The following MSRA variants were observed in gnomAD, a reference collection of about 807,000 sequenced individuals.
MSRA encodes mitochondrial peptide methionine sulfoxide reductase.
MSRA carries 54 observed loss-of-function variants against 31.3 expected under a neutral mutation model. The observed-to-expected ratio is 1.73, with a 90% CI of 1.39 to 2.17. The LOEUF is 2.17. MSRA is among the 30% of genes most tolerant of loss of function. MSRA has a pLI of 0.00. For synonymous variants in MSRA, 169 were observed against 116.5 expected (o/e 1.45, Z -2.90); for missense variants, 507 against 300.9 (o/e 1.69, Z -5.07).
At chr8:10,103,385 C>T (rs573222077) in intron 1 of MSRA, among the ~76,000 whole-genome samples, 31 of 152,264 alleles carry the variant, frequency 2.0e-4, no homozygotes, top group East Asian at 7.7e-4. Flanking sequence ...AGGGTTCTTA[C>T]GGGTCATCTG....
At chr8:10,071,722 T>A (rs1337879233) in intron 1 of MSRA, among the ~76,000 whole-genome samples, 2 of 152,188 alleles carry the variant, frequency 1.3e-5, no homozygotes, top group South Asian at 4.1e-4. Flanking sequence ...TGAGGTTCAT[T>A]TGTGTCAAAC....
intron 5 of MSRA, among the ~76,000 whole-genome samples, chr8:10,409,326 A>G (rs1426301875): frequency 6.6e-6 from 1 of 152,156 alleles, no homozygotes; most frequent in African/African-American, 2.4e-5. Context: ...ACTAGTGATG[A>G]TGAGCACTTT....
intron 3 of MSRA, among the ~76,000 whole-genome samples, chr8:10,275,889 G>A (rs1206377591): frequency 1.3e-5 from 2 of 152,146 alleles, no homozygotes; most frequent in Non-Finnish European, 2.9e-5. Context: ...TCTGGAACTC[G>A]TTTGTTTTTA....
intron 2 of MSRA, among the ~76,000 whole-genome samples, chr8:10,232,973 A>T (rs1471784075): frequency 1.3e-5 from 2 of 152,196 alleles, no homozygotes; most frequent in African/African-American, 4.8e-5. Flanking sequence ...CTTTATTTCT[A>T]CGGAATGTAG....
intron 5 of MSRA, among the ~76,000 whole-genome samples, chr8:10,410,111 C>A (rs1414162431): frequency 1.3e-5 from 2 of 152,210 alleles, no homozygotes; most frequent in Non-Finnish European, 2.9e-5. Flanking sequence ...AAAGATGATC[C>A]TCCGAGCCTG....
chr8:10,192,593 A>G (rs1048823810), intron 1 of MSRA, among the ~76,000 whole-genome samples: 1 of 152,260 alleles, frequency 6.6e-6, no homozygotes, highest in African/African-American at 2.4e-5. Context: ...GATGAGTAGC[A>G]CAATGTGGAG....
chr8:10,357,978 AGTG>A (rs1346950959), intron 5 of MSRA, among the ~76,000 whole-genome samples: 2 of 152,172 alleles, frequency 1.3e-5, no homozygotes, highest in African/African-American at 4.8e-5. Flanking sequence ...GCTAGAGTGC[AGTG>A]GTGCTATCTT....
At chr8:10,413,322 ACCACACTGAGACTTCAATGG>A (rs1808265614) in intron 5 of MSRA, among the ~76,000 whole-genome samples, 1 of 152,194 alleles carries the variant, frequency 6.6e-6, no homozygotes, top group Admixed American at 6.5e-5. Flanking sequence ...TAATTAGCTA[ACCACACTGAGACTTCAATGG>A]CCACACCTGA....
intron 1 of MSRA, among the ~76,000 whole-genome samples, chr8:10,076,895 C>T (rs901691455): frequency 2.0e-5 from 3 of 151,038 alleles, no homozygotes; most frequent in East Asian, 1.9e-4. Context: ...ACACTGGGGC[C>T]GGGTGTGAGG....
At chr8:10,117,623 T>C (rs1308022203) in intron 1 of MSRA, among the ~76,000 whole-genome samples, 19 of 152,258 alleles carry the variant, frequency 1.2e-4, no homozygotes, top group Admixed American at 9.8e-4. Flanking sequence ...ATAGATAGTC[T>C]GTAATTTGAT....
chr8:10,332,115 C>G (rs1172145626), intron 5 of MSRA, among the ~76,000 whole-genome samples: 2 of 152,172 alleles, frequency 1.3e-5, no homozygotes, highest in Non-Finnish European at 2.9e-5. Context: ...TCATGGTTAT[C>G]TGTTTCTTTG....
At chr8:10,283,946 G>A (rs992056612) in intron 3 of MSRA, among the ~76,000 whole-genome samples, 2 of 150,734 alleles carry the variant, frequency 1.3e-5, no homozygotes, top group Admixed American at 6.6e-5. Context: ...ATTGTGAATT[G>A]TGCTGCTATA....
At chr8:10,367,770 G>C (rs1327171394) in intron 5 of MSRA, among the ~76,000 whole-genome samples, 3 of 152,256 alleles carry the variant, frequency 2.0e-5, no homozygotes, top group African/African-American at 7.2e-5. Flanking sequence ...CTCAGCACTG[G>C]AGCTAGTCTG....
chr8:10,272,415 G>GA (rs146169292), intron 3 of MSRA, among the ~76,000 whole-genome samples: 13 of 152,124 alleles, frequency 8.5e-5, no homozygotes, highest in Non-Finnish European at 1.9e-4. Flanking sequence ...TCAAAGGCAG[G>GA]AAAAAAATCA....
intron 1 of MSRA, among the ~76,000 whole-genome samples, chr8:10,154,647 G>T (rs932921297): frequency 1.3e-5 from 2 of 152,096 alleles, no homozygotes; most frequent in Non-Finnish European, 1.5e-5. Flanking sequence ...AAAGTGCTGG[G>T]ATTACAGGCA....
chr8:10,060,462 G>C (rs1422810578), intron 1 of MSRA, among the ~76,000 whole-genome samples: 2 of 152,162 alleles, frequency 1.3e-5, no homozygotes, highest in Non-Finnish European at 2.9e-5. Flanking sequence ...GGCTGAGGAG[G>C]GGGCTGTGTA....
At chr8:10,395,080 T>C (rs1807011975) in intron 5 of MSRA, among the ~76,000 whole-genome samples, 1 of 152,158 alleles carries the variant, frequency 6.6e-6, no homozygotes, top group South Asian at 2.1e-4. Context: ...GTCACCTGTG[T>C]GTAAGCGTAG....
chr8:10,263,950 C>T (rs998181828), intron 3 of MSRA, among the ~76,000 whole-genome samples: 1 of 152,194 alleles, frequency 6.6e-6, no homozygotes, highest in African/African-American at 2.4e-5. Flanking sequence ...CTCCTATTCA[C>T]TCAAGTAAAT....
At chr8:10,408,426 C>G (rs766658771) in intron 5 of MSRA, among the ~76,000 whole-genome samples, 2 of 152,040 alleles carry the variant, frequency 1.3e-5, no homozygotes, top group Non-Finnish European at 2.9e-5. Context: ...CCTGTAGCCC[C>G]AGCTACCCAA....
Sources: gnomAD v4.1 joint callset for allele counts (sites outside exome capture counted in the v4.1 genomes callset) on GRCh38, gnomAD v4.1.1 for gene constraint, MANE v1.5 for transcripts, NCBI Gene and HGNC (gene_info 2026-07-23, HGNC 2026-07-21) for gene names.